Variants in BCAT1 observed in about 807,000 individuals in gnomAD.
BCAT1 encodes branched-chain-amino-acid aminotransferase, cytosolic.
BCAT1 carries 48 observed loss-of-function variants against 52.4 expected under a neutral mutation model. That is an observed-to-expected ratio of 0.92 (90% CI 0.73 to 1.16). The LOEUF (loss-of-function observed/expected upper bound fraction) is 1.16, where lower values mean the gene tolerates loss of function less well. Among genes scored for constraint, BCAT1 ranks in the 50% most tolerant of loss-of-function variants. BCAT1 has a pLI of 0.00. For missense variants in BCAT1, 451 were observed against 457.1 expected (o/e 0.99, Z 0.12); for synonymous variants, 167 against 161.3 (o/e 1.04, Z -0.27).
At chr12:24,903,011 G>T (rs1211214599) in intron 1 of BCAT1, 3 of 1,438,110 alleles carry the variant, frequency 2.1e-6, no homozygotes, top group Admixed American at 5.4e-5. Context: ...GGGACGCGGG[G>T]CTGCAGAGAG....
intron 10 of BCAT1, among the ~76,000 whole-genome samples, chr12:24,821,391 A>G (rs1940118831): frequency 6.6e-6 from 1 of 152,192 alleles, no homozygotes; most frequent in African/African-American, 2.4e-5. Flanking sequence ...GAGCTTCAAC[A>G]GCAGCAATGC....
intron 2 of BCAT1, among the ~76,000 whole-genome samples, chr12:24,897,345 A>C (rs545672776): frequency 6.6e-6 from 1 of 152,236 alleles, no homozygotes; most frequent in Non-Finnish European, 1.5e-5. Context: ...GGTAATTTTT[A>C]ACCTCAAATA....
intron 2 of BCAT1, among the ~76,000 whole-genome samples, chr12:24,894,989 G>A (rs562499175): frequency 6.6e-6 from 1 of 152,172 alleles, no homozygotes; most frequent in East Asian, 1.9e-4. Flanking sequence ...GAAGAAATGA[G>A]CAAAGTGAAG....
chr12:24,915,884 A>C (rs1421231052), intron 1 of BCAT1, among the ~76,000 whole-genome samples: 1 of 152,246 alleles, frequency 6.6e-6, no homozygotes, highest in Non-Finnish European at 1.5e-5. Flanking sequence ...AGGGCTGGGC[A>C]CAGTGGCTCA....
At chr12:24,895,826 T>C (rs1403075124) in intron 2 of BCAT1, among the ~76,000 whole-genome samples, 2 of 152,222 alleles carry the variant, frequency 1.3e-5, no homozygotes, top group Non-Finnish European at 2.9e-5. Flanking sequence ...TAGTAAATTG[T>C]ATTTTTAGAA....
intron 10 of BCAT1, among the ~76,000 whole-genome samples, chr12:24,819,604 C>A (rs534462276): frequency 7.9e-4 from 120 of 152,254 alleles, no homozygotes; most frequent in African/African-American, 2.8e-3. Context: ...CTCTAGGTCA[C>A]CCTTAATTTT....
chr12:24,834,908 A>G lies in BCAT1; in HGVS notation c.903+1603T>C, dbSNP rs983698573. The G allele has an allele frequency of 2.2e-5, 11 of 500,924 alleles. No individual in the cohort carries two copies. The South Asian group carries it at 8.2e-4, about 37-fold the overall frequency. 31.0% of individuals were successfully genotyped at this position (500,924 alleles called of 1,614,324 possible). On this transcript the variant is annotated intron_variant, in intron 8 of 10. Transcript: ENST00000261192. ...TTGGACAATTTCCCCTATCTGGCAA[A>G]TAGTGGTGACCCCCTACATGCCTCT...
In BCAT1 at chr12:24,867,337, CTTTT is replaced by C. The variant is rs35488171; in HGVS notation, c.510+11189_510+11192del. On this transcript the variant is annotated intron_variant, in intron 5 of 10. Coordinates refer to ENST00000261192, the MANE Select transcript of BCAT1 (RefSeq NM_005504.7). Reference sequence around the variant, plus strand: ...CCATGTTTTACAGACTCGAAAATATCTTTTTTTTTTTTTTTTTTTTACCTTTAAC... The same window carrying C: ...CCATGTTTTACAGACTCGAAAATATCTTTTTTTTTTTTTTTTACCTTTAAC... Among the ~76,000 whole-genome samples the C allele has an allele frequency of 4.3e-3, 559 of 128,802 alleles. 5 individuals are homozygous for C. Among genetic ancestry groups the C allele is most frequent in the African/African-American group, 0.015 (504 of 34,302 alleles). The allele number at this position is 128,802 out of a possible 152,430, so 84.5% of individuals were successfully genotyped here.
At chr12:24,912,699 TA>T (rs10531528) in intron 1 of BCAT1, among the ~76,000 whole-genome samples, 22,253 of 135,352 alleles carry the variant, frequency 0.16, 2,103 homozygotes, top group Non-Finnish European at 0.22. Flanking sequence ...ACCCCATCTC[TA>T]AAAAAAAAAA....
chr12:24,859,997 G>A (rs1261781675), intron 5 of BCAT1, among the ~76,000 whole-genome samples: 1 of 152,164 alleles, frequency 6.6e-6, no homozygotes, highest in Non-Finnish European at 1.5e-5. Flanking sequence ...CTTAGTTTAT[G>A]TTATCAGTAA....
chr12:24,937,156 G>A (rs1943770925), intron 1 of BCAT1, among the ~76,000 whole-genome samples: 2 of 152,202 alleles, frequency 1.3e-5, no homozygotes, highest in African/African-American at 2.4e-5. Flanking sequence ...ATCATTACAA[G>A]TTGAGATGAG....
intron 9 of BCAT1, among the ~76,000 whole-genome samples, chr12:24,831,564 G>T (rs546422235): frequency 6.6e-6 from 1 of 152,152 alleles, no homozygotes; most frequent in East Asian, 1.9e-4. Flanking sequence ...TGAGAGGATC[G>T]CTTGAGCTTG....
intron 5 of BCAT1, among the ~76,000 whole-genome samples, chr12:24,869,959 A>G (rs1178031098): frequency 6.6e-6 from 1 of 152,074 alleles, no homozygotes; most frequent in African/African-American, 2.4e-5. Flanking sequence ...AAAAAGAGAG[A>G]TAATGTACAA....
intron 7 of BCAT1, among the ~76,000 whole-genome samples, chr12:24,839,776 C>T (rs903439607): frequency 2.6e-5 from 4 of 152,242 alleles, no homozygotes; most frequent in Admixed American, 1.3e-4. Context: ...TACCTCCTAT[C>T]GGTAACGTTT....
intron 10 of BCAT1, among the ~76,000 whole-genome samples, chr12:24,828,391 A>G (rs1940498021): frequency 6.6e-6 from 1 of 152,174 alleles, no homozygotes; most frequent in Non-Finnish European, 1.5e-5. Context: ...ATTGCTCAGA[A>G]AAAAAATAGG....
intron 1 of BCAT1, among the ~76,000 whole-genome samples, chr12:24,926,007 G>A (rs1565501509): frequency 1.3e-5 from 2 of 152,162 alleles, no homozygotes; most frequent in Admixed American, 6.5e-5. Flanking sequence ...CTGCCCGGCC[G>A]CCACCCCATC....
chr12:24,947,527 G>C (rs1207278117), intron 1 of BCAT1, among the ~76,000 whole-genome samples: 1 of 152,184 alleles, frequency 6.6e-6, no homozygotes, highest in African/African-American at 2.4e-5. Flanking sequence ...GAAATATTGT[G>C]ATAAAACTAA....
intron 10 of BCAT1, among the ~76,000 whole-genome samples, chr12:24,824,277 T>TTCCTTCCTTCCTC (rs1940288798): frequency 7.0e-6 from 1 of 142,416 alleles, no homozygotes; most frequent in Non-Finnish European, 1.6e-5. Context: ...ATTCCCTCCC[T>TTCCTTCCTTCCTC]CCCTCCCTCC....
rs545119614 is a variant in BCAT1 at position 24,868,210 on chromosome 12, G to A, written c.510+10320C>T. Among the ~76,000 whole-genome samples, 7 of 152,254 alleles carry A rather than the reference G, an allele frequency of 4.6e-5. No individual in the cohort carries two copies. The South Asian group carries it at 6.2e-4, about 14-fold the overall frequency. On this transcript the variant is annotated intron_variant, in intron 5 of 10. Coordinates refer to ENST00000261192, the MANE Select transcript of BCAT1 (RefSeq NM_005504.7). Reference sequence around the variant, plus strand: ...CTCAGGATGATCAGGGAAGTACTGCGTTGCAGTTTGATTCTCCATCTCAGT... The same window carrying A: ...CTCAGGATGATCAGGGAAGTACTGCATTGCAGTTTGATTCTCCATCTCAGT...
Sources: allele counts gnomAD v4.1 joint callset (sites outside exome capture counted in the v4.1 genomes callset), GRCh38; gene constraint gnomAD v4.1.1; transcripts MANE v1.5; gene names NCBI Gene and HGNC (gene_info 2026-07-23, HGNC 2026-07-21).